RCC1L: variants seen among roughly 807,000 people sequenced by gnomAD.
RCC1L encodes the protein RCC1 like, also known as RCC1-like G exchanging factor-like protein.
In RCC1L, 46 loss-of-function variants were observed where a neutral mutation model predicts 58.6. That is an observed-to-expected ratio of 0.79 (90% CI 0.62 to 1.00). The LOEUF (loss-of-function observed/expected upper bound fraction) is 1.00. Ranked by LOEUF, RCC1L falls within the 50% of genes least tolerant of loss-of-function variation. The pLI is 0.00. For synonymous variants in RCC1L, 281 were observed against 262.9 expected, an observed-to-expected ratio of 1.07 and a Z score of -0.67; for missense variants, 636 against 623.6, an observed-to-expected ratio of 1.02 and a Z score of -0.21.
intron 5 of RCC1L, among the ~76,000 whole-genome samples, chr7:75,061,559 C>G (rs1806280146): frequency 6.6e-6 from 1 of 152,118 alleles, no homozygotes; most frequent in Non-Finnish European, 1.5e-5. Context: ...AAGAACCACC[C>G]CTTCTCCATA....
chr7:75,066,739 T>G lies in RCC1L; in HGVS notation c.508A>C (p.Arg170=). ...EPSPVSLPLD[R]PQETRVLQVS... ...TGCAGCACCCGTGTCTCCTGAGGTCTGTCCAGAGGCAGGGAGACGGGTGAG... is the reference window on the plus strand; with the variant it reads ...TGCAGCACCCGTGTCTCCTGAGGTCGGTCCAGAGGCAGGGAGACGGGTGAG... The change falls in exon 3 of 11, where the codon AGA becomes CGA. Residue 170 remains arginine (R), a synonymous_variant. Transcript: ENST00000610322. The G allele has an allele frequency of 6.2e-7, 1 of 1,613,548 alleles. No homozygotes were observed. The highest frequency in any genetic ancestry group is 8.5e-7 in the Non-Finnish European group (1 of 1,179,738).
In RCC1L at chr7:75,042,814, A is replaced by G; in HGVS notation, c.*218T>C. 6.9e-7 allele frequency: 1 copy of G among 1,439,738 alleles called. No individual in the cohort carries two copies. Among genetic ancestry groups the G allele is most frequent in the Non-Finnish European group, 9.2e-7 (1 of 1,092,878 alleles). 89.2% of individuals were successfully genotyped at this position (1,439,738 alleles called of 1,614,324 possible). A position where few individuals can be genotyped will look rare whatever the true frequency, so the allele number is the denominator to read the frequency against. On this transcript the variant is annotated 3_prime_UTR_variant, in exon 11 of 11. Coordinates refer to ENST00000610322, the MANE Select transcript of RCC1L (RefSeq NM_030798.5). ...AGCGGCCCACCAAAGGCTGCCATCC[A>G]AGCTGAGTTCCGCAGGCCTCACCTG...
intron 10 of RCC1L, among the ~76,000 whole-genome samples, chr7:75,043,964 G>A (rs1805640191): frequency 6.6e-6 from 1 of 152,174 alleles, no homozygotes; most frequent in African/African-American, 2.4e-5. Flanking sequence ...ACCAAGCAGG[G>A]GCAGTGGCTG....
intron 6 of RCC1L, 106 bp from the exon 7 acceptor site, chr7:75,058,875 G>C: frequency 7.0e-7 from 1 of 1,420,380 alleles, no homozygotes; most frequent in Non-Finnish European, 9.8e-7. Context: ...ACAAGTATCA[G>C]CTCAGAAATC....
intron 3 of RCC1L, 36 bp downstream of exon 3, chr7:75,066,628 T>A: frequency 6.2e-7 from 1 of 1,607,220 alleles, no homozygotes; most frequent in Non-Finnish European, 8.5e-7. Context: ...AAATGGTCCC[T>A]GCACTCTTCC....
intron 10 of RCC1L, among the ~76,000 whole-genome samples, chr7:75,050,929 C>T (rs1554443271): frequency 6.6e-6 from 1 of 151,900 alleles, no homozygotes; most frequent in South Asian, 2.1e-4. Context: ...CCCATCTCTA[C>T]TAAAAATAAA....
chr7:75,032,925 A>AGTT (rs1458712796), intron 10 of RCC1L, among the ~76,000 whole-genome samples: 1 of 151,890 alleles, frequency 6.6e-6, no homozygotes, highest in Non-Finnish European at 1.5e-5. Flanking sequence ...TATAAAAATT[A>AGTT]GTTGGGCGTG....
intron 10 of RCC1L, among the ~76,000 whole-genome samples, chr7:75,028,991 CGGAAGCA>C (rs878966012): frequency 0.11 from 16,619 of 152,226 alleles, 934 homozygotes; most frequent in South Asian, 0.12. Flanking sequence ...GTGTGGCCTC[CGGAAGCA>C]GCAGCGTAGC....
intron 10 of RCC1L, among the ~76,000 whole-genome samples, chr7:75,051,357 TATATATACACAC>T (rs1805909281): frequency 1.5e-4 from 22 of 147,860 alleles, no homozygotes; most frequent in Admixed American, 1.4e-3. Flanking sequence ...CACACACACA[TATATATACACAC>T]ATATATATAT....
chr7:75,043,220 C>T, intron 10 of RCC1L, 111 bp from the exon 11 acceptor site: 1 of 1,188,622 alleles, frequency 8.4e-7, no homozygotes, highest in Non-Finnish European at 1.2e-6. Flanking sequence ...CAGTAGGAGA[C>T]AGCTTGTCTC....
intron 2 of RCC1L, among the ~76,000 whole-genome samples, chr7:75,069,640 C>A (rs1243668726): frequency 6.6e-6 from 1 of 152,178 alleles, no homozygotes; most frequent in East Asian, 1.9e-4. Context: ...CGACTCACTG[C>A]AACCTCCACC....
rs587665424 is a variant in RCC1L at position 75,066,724 on chromosome 7, G to T, written c.523C>A (p.Arg175=). 4 of 1,613,436 alleles carry T rather than the reference G, an allele frequency of 2.5e-6. No individual in the cohort carries two copies. Among genetic ancestry groups the T allele is most frequent in the Non-Finnish European group, 1.7e-6 (2 of 1,179,746 alleles). The change falls in exon 3 of 11, where the codon CGG becomes AGG. Residue 175 remains arginine, a synonymous_variant. Transcript: ENST00000610322. ...CGGCCGCAGGAGACCTGCAGCACCC[G>T]TGTCTCCTGAGGTCTGTCCAGAGGC... is the stretch of plus-strand genomic sequence containing the variant. The part of the protein sequence containing the change: ...SLPLDRPQET[R]VLQVSCGRAH...
At chr7:75,051,210 ACGT>A (rs1805896140) in intron 10 of RCC1L, among the ~76,000 whole-genome samples, 1 of 146,506 alleles carries the variant, frequency 6.8e-6, no homozygotes, top group African/African-American at 2.5e-5. Flanking sequence ...ATATATATAA[ACGT>A]ATAATATAAA....
downstream of RCC1L, among the ~76,000 whole-genome samples, chr7:75,039,704 C>T (rs1036149044): frequency 2.0e-5 from 3 of 152,102 alleles, no homozygotes; most frequent in African/African-American, 7.2e-5. Context: ...TGGTTACTGA[C>T]CCCATCAGAG....
chr7:75,055,884 C>T lies in RCC1L; in HGVS notation c.1231+17G>A, dbSNP rs192310975. The T allele has an allele frequency of 0.028, 45,210 of 1,613,756 alleles. 6,291 individuals carry two copies. The African/African-American group carries it at 0.4, about 14-fold the overall frequency. On this transcript the variant is annotated intron_variant, in intron 9 of 10. Coordinates refer to ENST00000610322, the MANE Select transcript of RCC1L (RefSeq NM_030798.5). ...TCTGCTGGGCTCACACCAGGGCCAC[C>T]GGGCTTGGTAACTTACTGGTCAGTG...
intron 2 of RCC1L, among the ~76,000 whole-genome samples, chr7:75,067,327 G>A (rs1000876203): frequency 6.8e-5 from 10 of 147,278 alleles, no homozygotes; most frequent in African/African-American, 1.8e-4. Flanking sequence ...TGCATACTTC[G>A]TCTTCTTATT....
chr7:75,071,373 GGT>G (rs1178322594), intron 1 of RCC1L, among the ~76,000 whole-genome samples: 2 of 152,004 alleles, frequency 1.3e-5, no homozygotes, highest in East Asian at 3.9e-4. Context: ...AGCCGAGTAC[GGT>G]GGCTCACACC....
chr7:75,056,817 C>A, intron 8 of RCC1L: 1 of 1,244,532 alleles, frequency 8.0e-7, no homozygotes, highest in Admixed American at 2.0e-5. Context: ...CTTCCCATGG[C>A]CATAGTCCCT....
At chr7:75,063,422 A>G in intron 4 of RCC1L, 79 bp from the exon 5 acceptor site, 1 of 1,448,722 alleles carries the variant, frequency 6.9e-7, no homozygotes, top group East Asian at 2.3e-5. Context: ...CTGTCACCCC[A>G]ACTGATGGCC....
Sources: gnomAD v4.1 joint callset for allele counts (sites outside exome capture counted in the v4.1 genomes callset) on GRCh38, gnomAD v4.1.1 for gene constraint, MANE v1.5 for transcripts, NCBI Gene and HGNC (gene_info 2026-07-23, HGNC 2026-07-21) for gene names.